DCAF5: variants seen among roughly 807,000 people sequenced by gnomAD.
The protein encoded by DCAF5 is DDB1- and CUL4-associated factor 5.
Under a neutral mutation model 80.7 loss-of-function variants are expected in DCAF5, and 9 were observed. The observed-to-expected ratio is 0.11, with a 90% confidence interval of 0.07 to 0.19. The LOEUF (loss-of-function observed/expected upper bound fraction) is 0.19, where lower values mean the gene tolerates loss of function less well. Among genes scored for constraint, DCAF5 ranks in the 10% least tolerant of loss-of-function variants. The pLI is 1.00. For synonymous variants in DCAF5, 433 were observed against 461.9 expected (o/e 0.94, Z 0.80); for missense variants, 842 against 1,205.7 (o/e 0.70, Z 4.47).
At chr14:69,140,258 C>T (rs1006645908) in intron 1 of DCAF5, among the ~76,000 whole-genome samples, 1 of 151,200 alleles carries the variant, frequency 6.6e-6, no homozygotes, top group South Asian at 2.1e-4. Context: ...CAGAATGAGA[C>T]TCTGTCTAAA....
rs1229119995 is a variant in DCAF5, at chr14:69,054,546, T to C, written c.2140A>G (p.Ile714Val). ...TCCTGGTTCCTCTGGGCCATTGCTATGTTTAGACAGGCTTCCTTACTGGAA... is the reference window on the plus strand; with the variant it reads ...TCCTGGTTCCTCTGGGCCATTGCTACGTTTAGACAGGCTTCCTTACTGGAA... ...PSSSKEACLN[I>V]AMAQRNQDLP... is the part of the protein sequence containing the mutation. The change falls in exon 9 of 9, where the codon ATA (isoleucine) becomes GTA (valine). Residue 714 changes from isoleucine (I) to valine (V), a missense_variant. Ile to Val is a conservative substitution (Grantham distance 29). Around this residue, in one of 5 missense-constraint regions of DCAF5, gnomAD observed 607 missense variants for 656.6 expected, o/e 0.92. Transcript: ENST00000341516. 1 of 1,614,088 alleles carries C rather than the reference T, an allele frequency of 6.2e-7. No homozygotes were observed. The highest frequency in any genetic ancestry group is 8.5e-7 in the Non-Finnish European group (1 of 1,180,038).
intron 6 of DCAF5, among the ~76,000 whole-genome samples, chr14:69,082,771 G>A (rs1391013389): frequency 1.3e-5 from 2 of 152,134 alleles, no homozygotes; most frequent in Non-Finnish European, 2.9e-5. Context: ...AGCATTCTGA[G>A]GAAGTAACAT....
intron 1 of DCAF5, among the ~76,000 whole-genome samples, chr14:69,139,645 C>T (rs187402149): frequency 2.6e-4 from 39 of 151,958 alleles, no homozygotes; most frequent in Admixed American, 9.2e-4. Context: ...GAGACCCCGT[C>T]TCTACTAAAA....
rs536810973 is a variant in DCAF5 at position 69,087,725 on chromosome 14, C to T, written c.879+3949G>A. Among the ~76,000 whole-genome samples the T allele has an allele frequency of 3.9e-5, 6 of 152,312 alleles. No individual in the cohort carries two copies. The South Asian group carries it at 1.2e-3, about 32-fold the overall frequency. On this transcript the variant is annotated intron_variant, in intron 6 of 8. Coordinates refer to ENST00000341516, the MANE Select transcript of DCAF5 (RefSeq NM_003861.3). ...TATGTGAATGTATCTATCACAGCATCAGGCATACAGTAAATGCTCAGTAAA... is the reference window on the plus strand; with the variant it reads ...TATGTGAATGTATCTATCACAGCATTAGGCATACAGTAAATGCTCAGTAAA...
At chr14:69,126,271 C>A (rs976690952) in intron 1 of DCAF5, among the ~76,000 whole-genome samples, 1 of 151,574 alleles carries the variant, frequency 6.6e-6, no homozygotes, top group Admixed American at 6.6e-5. Context: ...AATTCTCCTG[C>A]CTCAGCCTCC....
chr14:69,111,799 T>C (rs1326101774), intron 5 of DCAF5, among the ~76,000 whole-genome samples: 1 of 152,212 alleles, frequency 6.6e-6, no homozygotes, highest in East Asian at 1.9e-4. Context: ...GAACATGCAA[T>C]GTACACTTGT....
chr14:69,058,396 G>A (rs1309332987), intron 8 of DCAF5, among the ~76,000 whole-genome samples: 1 of 152,014 alleles, frequency 6.6e-6, no homozygotes, highest in Non-Finnish European at 1.5e-5. Flanking sequence ...ACAGGTGCCT[G>A]TAGTCCCAGC....
At chr14:69,063,158 A>G (rs1023978850) in intron 7 of DCAF5, among the ~76,000 whole-genome samples, 1 of 152,198 alleles carries the variant, frequency 6.6e-6, no homozygotes, top group Admixed American at 6.5e-5. Context: ...AGAATTAGAG[A>G]GTGGGCCTTA....
In DCAF5 at chr14:69,055,650, C is replaced by G. The variant is rs1472678950; in HGVS notation, c.1075-39G>C. 6.4e-7 allele frequency: 1 copy of G among 1,555,856 alleles called. No homozygotes were observed. The highest frequency in any genetic ancestry group is 1.8e-5 in the Admixed American group (1 of 55,166). On this transcript the variant is annotated intron_variant, in intron 8 of 8. Coordinates refer to ENST00000341516, the MANE Select transcript of DCAF5 (RefSeq NM_003861.3). This position sits in a 1 kb window ranked among gnomAD's most constrained non-coding sequence, Gnocchi z 5.6. ...GAAAAACAAAAGCAACAAGGAGTAA[C>G]TGGAAAGTATTCTTTCACTGGTGGT...
At chr14:69,069,810 G>A (rs1417803994) in intron 7 of DCAF5, among the ~76,000 whole-genome samples, 1 of 151,838 alleles carries the variant, frequency 6.6e-6, no homozygotes, top group African/African-American at 2.4e-5. Context: ...GTGAAGACAG[G>A]TTCCCACTAT....
chr14:69,089,385 C>CT (rs1308552191), intron 6 of DCAF5: 8 of 152,204 alleles, frequency 5.3e-5, no homozygotes, highest in Non-Finnish European at 1.2e-4. Flanking sequence ...GACTTTAACT[C>CT]TGTTAACTGA....
rs1476086169 is a variant in DCAF5 at position 69,051,591 on chromosome 14, C to CT, written c.*2265dup. On this transcript the variant is annotated 3_prime_UTR_variant, in exon 9 of 9. Transcript: ENST00000341516. ...CTTCTCAAGTTAACCAGAATAAACT[C>CT]TGATTTCTCTTTTGAGTACCCAAAT... 1 of 152,194 alleles carries CT rather than the reference C, an allele frequency of 6.6e-6. No homozygotes were observed. The allele number at this position is 152,194 out of a possible 1,614,324, so 9.4% of individuals were successfully genotyped here.
At chr14:69,060,443 G>C (rs2038163320) in intron 8 of DCAF5, among the ~76,000 whole-genome samples, 1 of 152,158 alleles carries the variant, frequency 6.6e-6, no homozygotes, top group African/African-American at 2.4e-5. Flanking sequence ...TGCAATGAAA[G>C]TCAGCTCTGA....
At chr14:69,113,189 C>G (rs1297164073) in intron 5 of DCAF5, among the ~76,000 whole-genome samples, 1 of 152,002 alleles carries the variant, frequency 6.6e-6, no homozygotes, top group Non-Finnish European at 1.5e-5. Context: ...ATAGGTTAAG[C>G]CAGGAAGGAG....
intron 4 of DCAF5, among the ~76,000 whole-genome samples, chr14:69,117,602 T>C (rs2040581806): frequency 6.6e-6 from 1 of 152,184 alleles, no homozygotes; most frequent in Non-Finnish European, 1.5e-5. Flanking sequence ...ATGCATTTCC[T>C]GAAGAACTTC....
intron 5 of DCAF5, among the ~76,000 whole-genome samples, chr14:69,109,293 G>C (rs2040269960): frequency 6.6e-6 from 1 of 150,608 alleles, no homozygotes; most frequent in Non-Finnish European, 1.5e-5. Context: ...GCAGTGAGTT[G>C]AGATCGCGCC....
At chr14:69,088,032 C>T (rs1370355741) in intron 6 of DCAF5, among the ~76,000 whole-genome samples, 3 of 152,194 alleles carry the variant, frequency 2.0e-5, no homozygotes, top group Non-Finnish European at 4.4e-5. Context: ...ATCTTTATTT[C>T]TGTCCTCTCT....
At chr14:69,114,609 A>T (rs2040482741) in intron 5 of DCAF5, among the ~76,000 whole-genome samples, 1 of 152,244 alleles carries the variant, frequency 6.6e-6, no homozygotes, top group Non-Finnish European at 1.5e-5. Flanking sequence ...AAGAAGCAGA[A>T]CTGTACTGAT....
intron 1 of DCAF5, among the ~76,000 whole-genome samples, chr14:69,129,652 G>C (rs4902691): frequency 2.6e-5 from 4 of 152,168 alleles, no homozygotes; most frequent in African/African-American, 9.7e-5. Flanking sequence ...AGAATATTTA[G>C]GATCATTTCA....
Sources: gnomAD v4.1 joint callset for allele counts (sites outside exome capture counted in the v4.1 genomes callset) on GRCh38, gnomAD v4.1.1 for gene constraint, gnomAD v4.1.1 regional missense constraint, Gnocchi (gnomAD v3.1) non-coding constraint, MANE v1.5 for transcripts, NCBI Gene and HGNC (gene_info 2026-07-23, HGNC 2026-07-21) for gene names.